Variants in ASAP2 observed in about 807,000 individuals in gnomAD.
ASAP2 encodes the protein ArfGAP with SH3 domain, ankyrin repeat and PH domain 2.
ASAP2 carries 45 observed loss-of-function variants against 131.4 expected under a neutral mutation model. The ratio of observed to expected loss-of-function variants is 0.34; its 90% confidence interval spans 0.27 to 0.44. The LOEUF is 0.44. Ranked by LOEUF, ASAP2 falls within the 20% of genes least tolerant of loss-of-function variation. The pLI, the probability that ASAP2 is intolerant of heterozygous loss-of-function variation, is 1.00. For missense variants in ASAP2, 1,011 were observed against 1,297.0 expected, an observed-to-expected ratio of 0.78 and a Z score of 3.39; for synonymous variants, 510 against 503.0, an observed-to-expected ratio of 1.01 and a Z score of -0.19.
intron 1 of ASAP2, among the ~76,000 whole-genome samples, chr2:9,227,319 C>G (rs1433832721): frequency 6.6e-6 from 1 of 152,154 alleles, no homozygotes; most frequent in Non-Finnish European, 1.5e-5. Context: ...GTGCCTGACG[C>G]ATGAGTGTTG....
chr2:9,299,673 C>T (rs374727970), intron 3 of ASAP2, among the ~76,000 whole-genome samples: 9 of 152,184 alleles, frequency 5.9e-5, no homozygotes, highest in African/African-American at 1.7e-4. Flanking sequence ...GGACGGCTGA[C>T]GACGTAGGAG....
chr2:9,248,158 AGCAGGGCCATCAGTGTGG>A (rs1664463564), intron 1 of ASAP2, among the ~76,000 whole-genome samples: 2 of 152,220 alleles, frequency 1.3e-5, no homozygotes, highest in Non-Finnish European at 2.9e-5. Context: ...AACTCAGCAG[AGCAGGGCCATCAGTGTGG>A]TGGCCAGCAG....
intron 7 of ASAP2, among the ~76,000 whole-genome samples, chr2:9,329,116 A>G (rs1301120387): frequency 6.6e-6 from 1 of 152,192 alleles, no homozygotes; most frequent in African/African-American, 2.4e-5. Context: ...AGGAGCCGGC[A>G]GATAAGGAGT....
chr2:9,261,270 G>GA (rs1169763333), intron 1 of ASAP2, among the ~76,000 whole-genome samples: 2 of 152,208 alleles, frequency 1.3e-5, no homozygotes, highest in African/African-American at 4.8e-5. Flanking sequence ...TGGGAAGTGG[G>GA]AGGGGGAGCA....
At position 9,207,310 on chromosome 2, in the gene ASAP2, G is replaced by A; in HGVS notation, c.126+80G>A. On this transcript the variant is annotated intron_variant, in intron 1 of 27. Transcript: ENST00000281419. The surrounding 1 kb of genome is among the most constrained non-coding windows in gnomAD (Gnocchi z 4.1). ...CCCGCCGCTCCCGCATCCGCATCCC[G>A]AGAAAACTTTCTTTGCTCCGAAGCC... is the stretch of plus-strand genomic sequence containing the variant. The A allele has an allele frequency of 7.0e-7, 1 of 1,435,790 alleles. No homozygotes were observed. Among genetic ancestry groups the A allele is most frequent in the Non-Finnish European group, 9.1e-7 (1 of 1,095,700 alleles). The allele number at this position is 1,435,790 out of a possible 1,614,324, so 88.9% of individuals were successfully genotyped here.
intron 1 of ASAP2, among the ~76,000 whole-genome samples, chr2:9,274,319 CTTT>C (rs57798948): frequency 0.1 from 11,084 of 106,628 alleles, 305 homozygotes; most frequent in Admixed American, 0.16. Flanking sequence ...AGCATTCAAT[CTTT>C]TTTTTTTTTT....
chr2:9,288,008 C>T (rs1375309199), intron 2 of ASAP2, among the ~76,000 whole-genome samples: 1 of 152,090 alleles, frequency 6.6e-6, no homozygotes, highest in African/African-American at 2.4e-5. Context: ...ACCTGCTGGC[C>T]GCATGCATCT....
At chr2:9,298,900 G>T (rs1028845018) in intron 3 of ASAP2, among the ~76,000 whole-genome samples, 1 of 152,284 alleles carries the variant, frequency 6.6e-6, no homozygotes, top group East Asian at 1.9e-4. Flanking sequence ...AAAAATGAAC[G>T]TACGGGAAGA....
At chr2:9,241,695 A>T (rs763896680) in intron 1 of ASAP2, among the ~76,000 whole-genome samples, 2 of 152,198 alleles carry the variant, frequency 1.3e-5, no homozygotes, top group African/African-American at 4.8e-5. Flanking sequence ...CTCACCAAAG[A>T]TATGTACTGT....
intron 1 of ASAP2, among the ~76,000 whole-genome samples, chr2:9,250,370 C>T (rs1345184556): frequency 6.6e-6 from 1 of 152,120 alleles, no homozygotes; most frequent in Non-Finnish European, 1.5e-5. Context: ...CACAGCTGTC[C>T]CTAGGGCTCC....
rs551742008 is a variant in ASAP2 at position 9,313,604 on chromosome 2, C to T, written c.346-4920C>T. Among the ~76,000 whole-genome samples, 4 of 152,356 alleles carry T rather than the reference C, an allele frequency of 2.6e-5. No individual in the cohort carries two copies. In the East Asian group the frequency reaches 7.7e-4, roughly 29 times the overall value. ...CGACTCTAATCCTCCCTGTAGGCTG[C>T]CTTCTTTCTTGCACGTGCCTTGTTC... On this transcript the variant is annotated intron_variant, in intron 3 of 27. Coordinates refer to ENST00000281419, the MANE Select transcript of ASAP2 (RefSeq NM_003887.3).
At chr2:9,256,969 T>C (rs1282431962) in intron 1 of ASAP2, among the ~76,000 whole-genome samples, 1 of 152,210 alleles carries the variant, frequency 6.6e-6, no homozygotes, top group African/African-American at 2.4e-5. Flanking sequence ...GATGGACTCA[T>C]TCCAAGTCCT....
In ASAP2 at chr2:9,400,744, G is replaced by T. The variant is rs745520035; in HGVS notation, c.2737G>T (p.Asp913Tyr). 6.2e-7 allele frequency: 1 copy of T among 1,613,410 alleles called. No homozygotes were observed. Among genetic ancestry groups the T allele is most frequent in the Non-Finnish European group, 8.5e-7 (1 of 1,179,688 alleles). Residue 913 changes from aspartate to tyrosine, a missense_variant and splice_region_variant, in exon 26 of 28, where the codon GAT (aspartate) becomes TAT (tyrosine). Physicochemically the swap from Asp to Tyr is radical, Grantham distance 160. Transcript: ENST00000281419. ...GCTGCTTCATTTTTGCCCTACAGTG[G>T]ATCTCTCTGCAACGGAAGCTCTGGG... ...TNKGQPRGPV[D>Y]LSATEALGPL... is the part of the protein sequence containing the mutation.
chr2:9,354,462 A>G (rs1367588710), intron 12 of ASAP2, among the ~76,000 whole-genome samples: 1 of 152,036 alleles, frequency 6.6e-6, no homozygotes, highest in East Asian at 1.9e-4. Context: ...CTGCTTGTGC[A>G]GTTTTTACAC....
intron 1 of ASAP2, among the ~76,000 whole-genome samples, chr2:9,254,346 A>C (rs927218365): frequency 7.3e-6 from 1 of 137,708 alleles, no homozygotes; most frequent in African/African-American, 2.7e-5. Flanking sequence ...CTAATTTATA[A>C]ACTAAACTTT....
At chr2:9,355,031 A>G (rs1389337126) in intron 12 of ASAP2, among the ~76,000 whole-genome samples, 2 of 152,232 alleles carry the variant, frequency 1.3e-5, no homozygotes, top group African/African-American at 2.4e-5. Context: ...GAGAATATCC[A>G]TATATCCCTC....
chr2:9,302,525 A>G (rs1668566331), intron 3 of ASAP2, among the ~76,000 whole-genome samples: 1 of 151,590 alleles, frequency 6.6e-6, no homozygotes, highest in South Asian at 2.1e-4. Flanking sequence ...CCCAAGCTAG[A>G]GTGCAGTGGC....
intron 2 of ASAP2, among the ~76,000 whole-genome samples, chr2:9,287,561 C>G (rs1298958858): frequency 6.6e-6 from 1 of 152,176 alleles, no homozygotes; most frequent in East Asian, 1.9e-4. Flanking sequence ...GTATTTGTTC[C>G]TCTCTAGAGG....
chr2:9,221,122 T>G (rs542408952), intron 1 of ASAP2, among the ~76,000 whole-genome samples: 1 of 152,262 alleles, frequency 6.6e-6, no homozygotes, highest in South Asian at 2.1e-4. Flanking sequence ...TTCCCAAGAT[T>G]GTTTTGGCTA....
Sources: gnomAD v4.1 joint callset for allele counts (sites outside exome capture counted in the v4.1 genomes callset) on GRCh38, gnomAD v4.1.1 for gene constraint, Gnocchi (gnomAD v3.1) non-coding constraint, MANE v1.5 for transcripts, NCBI Gene and HGNC (gene_info 2026-07-23, HGNC 2026-07-21) for gene names.